SFTPD: variants seen among roughly 807,000 people sequenced by gnomAD.
SFTPD encodes surfactant protein D, also known as pulmonary surfactant-associated protein D.
A neutral mutation model predicts 34.6 loss-of-function variants in SFTPD; 18 were observed. That is an observed-to-expected ratio of 0.52 (90% CI 0.36 to 0.77). The LOEUF (loss-of-function observed/expected upper bound fraction) is 0.77, where lower values mean the gene tolerates loss of function less well. Ranked by LOEUF, SFTPD falls within the 30% of genes least tolerant of loss-of-function variation. SFTPD has a pLI of 0.00. For missense variants in SFTPD, 433 were observed against 468.9 expected, an observed-to-expected ratio of 0.92 and a Z score of 0.71; for synonymous variants, 155 against 180.9, an observed-to-expected ratio of 0.86 and a Z score of 1.15.
chr10:79,982,156 C>A, intron 1 of SFTPD: 1 of 392,294 alleles, frequency 2.5e-6, no homozygotes, highest in Non-Finnish European at 4.3e-6. Context: ...CCTGGCGGGG[C>A]AGGGCGGACA....
At chr10:79,967,053 C>T (rs1295469618) in intron 1 of SFTPD, among the ~76,000 whole-genome samples, 1 of 127,174 alleles carries the variant, frequency 7.9e-6, no homozygotes, top group African/African-American at 3.2e-5. Flanking sequence ...CTAGAAAACC[C>T]CATCGTCTCA....
In SFTPD at chr10:79,942,860, C is replaced by T; in HGVS notation, c.219G>A (p.Gly73=). 6.2e-7 allele frequency: 1 copy of T among 1,613,436 alleles called. No homozygotes were observed. Among genetic ancestry groups the T allele is most frequent in the South Asian group, 1.1e-5 (1 of 91,064 alleles). ...CAGCTTGTCCAGGCATCCCTGCTTG[C>T]CCTGCAGCTCCTGGCAAACCTGTAG... ...KGDPGLPGAA[G]QAGMPGQAGP... is the part of the protein sequence containing the mutation. The change falls in exon 3 of 8, where the codon GGG becomes GGA. Residue 73 remains glycine (G), a synonymous_variant. Transcript: ENST00000372292.
chr10:79,958,092 G>A lies in SFTPD; in HGVS notation c.37-11430C>T, dbSNP rs1589339650. Among the ~76,000 whole-genome samples, 5 of 152,242 alleles carry A rather than the reference G, an allele frequency of 3.3e-5. 1 individual carries two copies. The highest frequency in any genetic ancestry group is 1.2e-4 in the African/African-American group (5 of 41,538). ...GAGAAATAAAATACTTTACAGACAA[G>A]CAAATGCTGAGAGATTTTGTCAACA... On this transcript the variant is annotated intron_variant, in intron 1 of 5. Coordinates refer to the SFTPD transcript ENST00000444384.
At chr10:79,967,558 C>T (rs1403308890) in intron 1 of SFTPD, among the ~76,000 whole-genome samples, 2 of 143,622 alleles carry the variant, frequency 1.4e-5, no homozygotes, top group Non-Finnish European at 3.0e-5. Flanking sequence ...AATTATACTA[C>T]AAGGCTACAG....
In SFTPD at chr10:79,946,645, G is replaced by A. The variant is rs769756865; in HGVS notation, c.15C>T (p.Leu5=). 1.9e-6 allele frequency: 3 copies of A among 1,614,050 alleles called. No individual in the cohort carries two copies. Among genetic ancestry groups the A allele is most frequent in the African/African-American group, 1.3e-5 (1 of 74,950 alleles). The change falls in exon 2 of 8, where the codon CTC becomes CTT. Residue 5 remains leucine (L), a synonymous_variant. Coordinates refer to ENST00000372292, the MANE Select transcript of SFTPD (RefSeq NM_003019.5). MLLF[L]LSALVLLTQP... ...GTGTGAGCAGGACCAGTGCAGAGAGGAGGAAGAGCAGCATGGCCTGGAGAG... is the reference window on the plus strand; with the variant it reads ...GTGTGAGCAGGACCAGTGCAGAGAGAAGGAAGAGCAGCATGGCCTGGAGAG...
Position 79,941,522 on chromosome 10 carries a change from AAAAG to A in SFTPD, c.551-12_551-9del. The A allele has an allele frequency of 6.3e-7, 1 of 1,583,636 alleles. No homozygotes were observed. The highest frequency in any genetic ancestry group is 8.6e-7 in the Non-Finnish European group (1 of 1,167,656). The stretch of plus-strand genomic sequence containing the variant: ...CCATGGCTCCAGCAGACCCTGGGGT[AAAAG>A]AAGAACTGGGTGAGCTATGTACTCA... On this transcript the variant is annotated splice_polypyrimidine_tract_variant and intron_variant, in intron 5 of 7. Transcript: ENST00000372292.
intron 1 of SFTPD, chr10:79,969,321 A>G (rs1449540101): frequency 2.0e-5 from 3 of 152,136 alleles, no homozygotes; most frequent in African/African-American, 7.2e-5. Context: ...TAAATATACA[A>G]AAATTAGCCT....
intron 1 of SFTPD, among the ~76,000 whole-genome samples, chr10:79,963,504 A>G (rs375753879): frequency 1.4e-4 from 22 of 152,290 alleles, no homozygotes; most frequent in African/African-American, 5.1e-4. Flanking sequence ...TGCTAATTCT[A>G]AAGTATTGCT....
chr10:79,949,485 G>A (rs914046299), upstream of SFTPD, among the ~76,000 whole-genome samples: 3 of 152,228 alleles, frequency 2.0e-5, no homozygotes, highest in Non-Finnish European at 2.9e-5. Context: ...AAGACCTGCT[G>A]TGTCCACTTC....
intron 1 of SFTPD, chr10:79,970,996 G>C (rs1186322639): frequency 1.3e-5 from 2 of 152,114 alleles, no homozygotes; most frequent in Admixed American, 6.6e-5. Context: ...AATGCTACCT[G>C]TGGGTTTGTT....
chr10:79,958,306 A>G (rs1404817788), intron 1 of SFTPD, among the ~76,000 whole-genome samples: 3 of 152,224 alleles, frequency 2.0e-5, no homozygotes, highest in Non-Finnish European at 4.4e-5. Context: ...AACAATATTA[A>G]CTTTAAACAT....
At chr10:79,948,175 T>G (rs1031908209) in intron 1 of SFTPD, among the ~76,000 whole-genome samples, 1 of 152,222 alleles carries the variant, frequency 6.6e-6, no homozygotes, top group African/African-American at 2.4e-5. Flanking sequence ...GCGGCTACCT[T>G]GTTACACCTG....
chr10:79,971,562 A>G (rs1842835138), intron 1 of SFTPD: 1 of 151,728 alleles, frequency 6.6e-6, no homozygotes, highest in Non-Finnish European at 1.5e-5. Context: ...CAGATTTTCT[A>G]CTACTTCTTG....
At position 79,973,466 on chromosome 10, in the gene SFTPD, A is replaced by T. The variant is rs2132523825; in HGVS notation, c.36+9109T>A. On this transcript the variant is annotated intron_variant, in intron 1 of 5. Transcript: ENST00000444384. ...AACCCCATCTCTACTAAAAATACAA[A>T]AATTAGCCAGGCGCAGTGATGGGTG... Among the ~76,000 whole-genome samples, 3 of 151,810 alleles carry T rather than the reference A, an allele frequency of 2.0e-5. No homozygotes were observed. In the South Asian group the frequency reaches 6.2e-4, roughly 32 times the overall value.
At chr10:79,967,798 T>A (rs1269599250) in intron 1 of SFTPD, among the ~76,000 whole-genome samples, 1 of 152,140 alleles carries the variant, frequency 6.6e-6, no homozygotes, top group Non-Finnish European at 1.5e-5. Context: ...TGTTCCTGCC[T>A]TAACTGATGA....
chr10:79,970,850 T>G (rs1429763229), intron 1 of SFTPD: 1 of 152,188 alleles, frequency 6.6e-6, no homozygotes, highest in Non-Finnish European at 1.5e-5. Flanking sequence ...TGGATGTCTT[T>G]TAATTATTTC....
At chr10:79,938,353 C>A in intron 7 of SFTPD, 125 bp from the exon 8 acceptor site, 1 of 802,708 alleles carries the variant, frequency 1.2e-6, no homozygotes, top group Non-Finnish European at 2.0e-6. Flanking sequence ...ATCAGGATGC[C>A]AGAGAGAATG....
chr10:79,982,051 G>A (rs1194301115), intron 1 of SFTPD: 4 of 299,344 alleles, frequency 1.3e-5, no homozygotes, highest in East Asian at 7.7e-5. Context: ...CGGCGGCCCT[G>A]GACGTGCGGG....
At chr10:79,956,537 G>A (rs144420336) in intron 1 of SFTPD, among the ~76,000 whole-genome samples, 7,797 of 152,352 alleles carry the variant, frequency 0.051, 307 homozygotes, top group Non-Finnish European at 0.07. Context: ...CTACGCCCAC[G>A]GAGTCTCGCT....
Sources: allele counts gnomAD v4.1 joint callset (sites outside exome capture counted in the v4.1 genomes callset), GRCh38; gene constraint gnomAD v4.1.1; transcripts MANE v1.5; gene names NCBI Gene and HGNC (gene_info 2026-07-23, HGNC 2026-07-21).